IQGAP2: variants seen among roughly 807,000 people sequenced by gnomAD.
IQGAP2 encodes ras GTPase-activating-like protein IQGAP2.
A neutral mutation model predicts 201.3 loss-of-function variants in IQGAP2; 173 were observed. The observed-to-expected ratio is 0.86, with a 90% CI of 0.76 to 0.98. The LOEUF is 0.98. Among genes scored for constraint, IQGAP2 ranks in the 50% least tolerant of loss-of-function variants. IQGAP2 has a pLI of 0.00. For synonymous variants in IQGAP2, 675 were observed against 673.9 expected (o/e 1.00, Z -0.03); for missense variants, 1,687 against 1,864.8 (o/e 0.90, Z 1.76).
At chr5:76,497,069 C>G (rs149888802) in intron 2 of IQGAP2, among the ~76,000 whole-genome samples, 4,988 of 152,124 alleles carry the variant, frequency 0.033, 292 homozygotes, top group African/African-American at 0.11. Context: ...ACCTCATGAT[C>G]CACCCACCTC....
intron 35 of IQGAP2, among the ~76,000 whole-genome samples, chr5:76,706,272 C>T (rs1747883738): frequency 6.6e-6 from 1 of 152,114 alleles, no homozygotes; most frequent in Non-Finnish European, 1.5e-5. Context: ...TTTTGCTTCC[C>T]CAGTGAATGT....
intron 17 of IQGAP2, among the ~76,000 whole-genome samples, chr5:76,649,220 G>A (rs1752320897): frequency 6.6e-6 from 1 of 152,060 alleles, no homozygotes; most frequent in Admixed American, 6.6e-5. Flanking sequence ...CCAGAAGGAA[G>A]TACAACATTT....
intron 3 of IQGAP2, among the ~76,000 whole-genome samples, chr5:76,563,949 T>C (rs1156818510): frequency 6.6e-6 from 1 of 152,244 alleles, no homozygotes; most frequent in Non-Finnish European, 1.5e-5. Context: ...AGGTTAACAG[T>C]AGACAAGATT....
intron 21 of IQGAP2, chr5:76,659,932 A>G (rs1291793360): frequency 1.4e-4 from 1 of 6,906 alleles, no homozygotes; most frequent in Non-Finnish European, 5.2e-4. Flanking sequence ...ATCAGGGCTC[A>G]AAAAAAAAAA....
chr5:76,682,651 T>C (rs1307007538), intron 28 of IQGAP2, among the ~76,000 whole-genome samples: 1 of 152,118 alleles, frequency 6.6e-6, no homozygotes, highest in Admixed American at 6.5e-5. Context: ...TCCTTACCCA[T>C]GAGAGATCTT....
intron 2 of IQGAP2, among the ~76,000 whole-genome samples, chr5:76,540,802 A>C (rs940914473): frequency 6.6e-6 from 1 of 152,152 alleles, no homozygotes; most frequent in Non-Finnish European, 1.5e-5. Flanking sequence ...ACAACCATAC[A>C]TGATGGCCCC....
At chr5:76,691,715 TA>T (rs1409249530) in intron 30 of IQGAP2, 2 of 152,174 alleles carry the variant, frequency 1.3e-5, no homozygotes, top group Admixed American at 6.5e-5. Flanking sequence ...CTCCAAAGGC[TA>T]GGGGGAAGGG....
At chr5:76,430,574 G>C (rs1752311253) in intron 1 of IQGAP2, among the ~76,000 whole-genome samples, 1 of 152,180 alleles carries the variant, frequency 6.6e-6, no homozygotes. Context: ...TTGGAAGTCA[G>C]ATAACAGCAT....
intron 30 of IQGAP2, among the ~76,000 whole-genome samples, chr5:76,686,784 C>T (rs113830660): frequency 2.4e-4 from 36 of 152,326 alleles, no homozygotes; most frequent in African/African-American, 6.7e-4. Flanking sequence ...GCTGGGATTA[C>T]AGGCGTGAGC....
intron 2 of IQGAP2, among the ~76,000 whole-genome samples, chr5:76,478,089 A>G (rs1201393905): frequency 6.6e-6 from 1 of 152,020 alleles, no homozygotes; most frequent in Non-Finnish European, 1.5e-5. Context: ...TTTGAGATGG[A>G]GTTTCGCTCT....
At chr5:76,680,794 T>A (rs1297107514) in intron 28 of IQGAP2, among the ~76,000 whole-genome samples, 3 of 115,536 alleles carry the variant, frequency 2.6e-5, no homozygotes, top group Non-Finnish European at 5.4e-5. Flanking sequence ...TTGTCTCATT[T>A]AAAAAAAAAA....
intron 3 of IQGAP2, among the ~76,000 whole-genome samples, chr5:76,564,141 A>G (rs1283966991): frequency 6.6e-6 from 1 of 152,238 alleles, no homozygotes; most frequent in Non-Finnish European, 1.5e-5. Flanking sequence ...CTTTAATAAA[A>G]CAATCATTTA....
At chr5:76,520,864 T>A (rs1758640456) in intron 2 of IQGAP2, among the ~76,000 whole-genome samples, 1 of 151,986 alleles carries the variant, frequency 6.6e-6, no homozygotes, top group Non-Finnish European at 1.5e-5. Flanking sequence ...CACGCCACCA[T>A]GCCCGGCTAA....
At chr5:76,620,206 G>A (rs755192877) in intron 13 of IQGAP2, among the ~76,000 whole-genome samples, 1 of 152,208 alleles carries the variant, frequency 6.6e-6, no homozygotes, top group African/African-American at 2.4e-5. Flanking sequence ...AGGTAATAGT[G>A]TAGAGAACAG....
chr5:76,440,515 A>G (rs1752964281), intron 1 of IQGAP2, among the ~76,000 whole-genome samples: 1 of 152,218 alleles, frequency 6.6e-6, no homozygotes, highest in Non-Finnish European at 1.5e-5. Context: ...TCTAGGGACT[A>G]TTTTGAAAGA....
At chr5:76,436,852 C>A (rs922897461) in intron 1 of IQGAP2, among the ~76,000 whole-genome samples, 12 of 151,098 alleles carry the variant, frequency 7.9e-5, no homozygotes, top group African/African-American at 2.9e-4. Flanking sequence ...GTATTTAATT[C>A]TGTTTATGTG....
At chr5:76,678,426 A>T (rs971258714) in intron 28 of IQGAP2, among the ~76,000 whole-genome samples, 25 of 136,944 alleles carry the variant, frequency 1.8e-4, no homozygotes, top group Admixed American at 1.6e-3. Context: ...CATTAAAATT[A>T]AAAAAAAAAA....
At chr5:76,488,508 A>G (rs1038655352) in intron 2 of IQGAP2, among the ~76,000 whole-genome samples, 5 of 152,256 alleles carry the variant, frequency 3.3e-5, no homozygotes, top group African/African-American at 1.2e-4. Flanking sequence ...TCTGAATAAC[A>G]ATAAACTACA....
At chr5:76,619,766 C>T (rs543565102) in intron 13 of IQGAP2, among the ~76,000 whole-genome samples, 63 of 152,198 alleles carry the variant, frequency 4.1e-4, no homozygotes, top group Non-Finnish European at 5.1e-4. Flanking sequence ...GATCTGCCCG[C>T]CTCGGCCACC....
Sources: allele counts gnomAD v4.1 joint callset (sites outside exome capture counted in the v4.1 genomes callset), GRCh38; gene constraint gnomAD v4.1.1; transcripts MANE v1.5; gene names NCBI Gene and HGNC (gene_info 2026-07-23, HGNC 2026-07-21).